The following OR6N1 variants were observed in gnomAD, a reference collection of about 807,000 sequenced individuals.
The protein encoded by OR6N1 is olfactory receptor family 6 subfamily N member 1, also known as olfactory receptor 6N1.
For missense variants in OR6N1, 394 were observed against 371.7 expected, an observed-to-expected ratio of 1.06 and a Z score of -0.49; for synonymous variants, 170 against 150.7, an observed-to-expected ratio of 1.13 and a Z score of -0.94.
chr1:158,799,031 T>G, the OR6N1 span, among the ~76,000 whole-genome samples: 477 of 152,312 alleles, frequency 3.1e-3, 1 homozygote, highest in Non-Finnish European at 5.1e-3. Context: ...TTAACTTGCA[T>G]GCATAACATC....
At chr1:158,803,274 G>A in the OR6N1 span, among the ~76,000 whole-genome samples, 1 of 152,150 alleles carries the variant, frequency 6.6e-6, no homozygotes, top group African/African-American at 2.4e-5. Context: ...GATTGAAAGA[G>A]TCTCTCAAAT....
chr1:158,800,738 T>G, the OR6N1 span, among the ~76,000 whole-genome samples: 4 of 152,188 alleles, frequency 2.6e-5, no homozygotes, highest in African/African-American at 7.2e-5. Flanking sequence ...TTCAACATCA[T>G]TTTTCAAAAA....
At chr1:158,820,853 A>C in the OR6N1 span, among the ~76,000 whole-genome samples, 5 of 152,234 alleles carry the variant, frequency 3.3e-5, no homozygotes, top group Non-Finnish European at 7.3e-5. Flanking sequence ...CCTGGAAAAA[A>C]AACCCAGCTA....
the OR6N1 span, among the ~76,000 whole-genome samples, chr1:158,835,613 G>C: frequency 5.0e-5 from 3 of 60,136 alleles, no homozygotes; most frequent in Non-Finnish European, 6.6e-5. Flanking sequence ...GCCTATTTTT[G>C]GTGGGGGCGG....
the OR6N1 span, among the ~76,000 whole-genome samples, chr1:158,799,009 G>A: frequency 6.6e-6 from 1 of 152,072 alleles, no homozygotes; most frequent in African/African-American, 2.4e-5. Context: ...GTAGACGGCT[G>A]GTTCTCAGAC....
the OR6N1 span, among the ~76,000 whole-genome samples, chr1:158,800,136 G>A: frequency 1.3e-5 from 2 of 152,056 alleles, no homozygotes; most frequent in African/African-American, 4.8e-5. Flanking sequence ...AAGACAGAGG[G>A]GTTTAGACCA....
At chr1:158,770,671 CA>C (rs59340765) in intron 1 of OR6N1, among the ~76,000 whole-genome samples, 34,976 of 151,868 alleles carry the variant, frequency 0.23, 4,207 homozygotes, top group African/African-American at 0.27. Flanking sequence ...TTAAATATCA[CA>C]AAAAGGAAGG....
the OR6N1 span, among the ~76,000 whole-genome samples, chr1:158,806,312 A>T: frequency 6.6e-6 from 1 of 152,222 alleles, no homozygotes; most frequent in East Asian, 1.9e-4. Context: ...TCAAAAGAAG[A>T]TGCCTCATTT....
upstream of OR6N1, chr1:158,774,664 T>C (rs572638429): frequency 6.6e-6 from 1 of 152,014 alleles, no homozygotes; most frequent in South Asian, 2.1e-4. Flanking sequence ...ATGTTAAAAA[T>C]GAATATTATC....
At chr1:158,810,006 AG>A in the OR6N1 span, among the ~76,000 whole-genome samples, 1 of 152,192 alleles carries the variant, frequency 6.6e-6, no homozygotes, top group African/African-American at 2.4e-5. Flanking sequence ...TAATAGGAAA[AG>A]CCTCCTCCGA....
chr1:158,787,635 T>TCTCTCACACACACACACACACACA, the OR6N1 span, among the ~76,000 whole-genome samples: 5 of 134,208 alleles, frequency 3.7e-5, no homozygotes, highest in African/African-American at 1.2e-4. Context: ...TCTCTCTCTC[T>TCTCTCACACACACACACACACACA]CACACACACA....
At chr1:158,807,111 G>C in the OR6N1 span, among the ~76,000 whole-genome samples, 1 of 151,864 alleles carries the variant, frequency 6.6e-6, no homozygotes, top group East Asian at 1.9e-4. Flanking sequence ...TACAGACAGA[G>C]AGAATGAGGC....
chr1:158,823,634 T>G, the OR6N1 span, among the ~76,000 whole-genome samples: 1 of 152,152 alleles, frequency 6.6e-6, no homozygotes, highest in African/African-American at 2.4e-5. Flanking sequence ...GCAATCTATC[T>G]ACATTATTTA....
the OR6N1 span, among the ~76,000 whole-genome samples, chr1:158,807,003 C>CAAAAAA: frequency 2.7e-5 from 2 of 72,900 alleles, no homozygotes; most frequent in Admixed American, 1.7e-4. Flanking sequence ...GACGTCATCT[C>CAAAAAA]AAAAAAAAAA....
At chr1:158,838,605 T>C in the OR6N1 span, among the ~76,000 whole-genome samples, 8 of 152,094 alleles carry the variant, frequency 5.3e-5, no homozygotes, top group African/African-American at 1.9e-4. Context: ...TTTGGTTTCT[T>C]ATATCTGTAC....
At chr1:158,783,729 T>G in the OR6N1 span, among the ~76,000 whole-genome samples, 1 of 152,216 alleles carries the variant, frequency 6.6e-6, no homozygotes, top group African/African-American at 2.4e-5. Context: ...GGACTGTATT[T>G]TTTTCAACAC....
At chr1:158,836,733 A>AT in the OR6N1 span, among the ~76,000 whole-genome samples, 1 of 149,594 alleles carries the variant, frequency 6.7e-6, no homozygotes, top group African/African-American at 2.5e-5. Context: ...TCTAATTTTT[A>AT]TTTTTTCCTT....
chr1:158,813,697 C>CTTTTTTTTTTT, the OR6N1 span, among the ~76,000 whole-genome samples: 2 of 78,614 alleles, frequency 2.5e-5, no homozygotes, highest in African/African-American at 5.1e-5. Context: ...TATGTATGGT[C>CTTTTTTTTTTT]TTTTTTTTTT....
In OR6N1 at chr1:158,766,385, G is replaced by T. The variant is rs369750533; in HGVS notation, c.298C>A (p.Gln100Lys). 2.2e-5 allele frequency: 35 copies of T among 1,614,038 alleles called. No homozygotes were observed. Among genetic ancestry groups the T allele is most frequent in the Non-Finnish European group, 2.7e-5 (32 of 1,180,032 alleles). Residue 100 changes from glutamine to lysine, a missense_variant, in exon 2 of 2, where the codon CAG (glutamine) becomes AAG (lysine). By Grantham distance (53) the Gln-to-Lys change is moderately conservative. Coordinates refer to ENST00000641846, the MANE Select transcript of OR6N1 (RefSeq NM_001005185.2). Reference sequence around the variant, plus strand: ...CCAAGGGAGTGAAAGAAATAGATCTGCAGGAGACACCCAGAGAATGAAATG... The same window carrying T: ...CCAAGGGAGTGAAAGAAATAGATCTTCAGGAGACACCCAGAGAATGAAATG... ...KTISFSGCLL[Q>K]IYFFHSLGAT...
Sources: allele counts gnomAD v4.1 joint callset (sites outside exome capture counted in the v4.1 genomes callset), GRCh38; gene constraint gnomAD v4.1.1; transcripts MANE v1.5; gene names NCBI Gene and HGNC (gene_info 2026-07-23, HGNC 2026-07-21).